Variants in CNKSR3 observed in about 807,000 individuals in gnomAD.
The protein encoded by CNKSR3 is CNKSR family member 3.
In CNKSR3, 36 loss-of-function variants were observed where a neutral mutation model predicts 67.7. That is an observed-to-expected ratio of 0.53 (90% CI 0.41 to 0.70). The LOEUF is 0.70. Ranked by LOEUF, CNKSR3 falls within the 30% of genes least tolerant of loss-of-function variation. The pLI is 0.00. For synonymous variants in CNKSR3, 281 were observed against 271.4 expected (o/e 1.04, Z -0.35); for missense variants, 630 against 695.2 (o/e 0.91, Z 1.05).
At chr6:154,468,671 G>T (rs1343657490) in intron 1 of CNKSR3, among the ~76,000 whole-genome samples, 1 of 151,982 alleles carries the variant, frequency 6.6e-6, no homozygotes, top group Non-Finnish European at 1.5e-5. Flanking sequence ...GAGGCACTTA[G>T]TAAATAACTA....
chr6:154,424,400 T>C (rs1785213091), intron 7 of CNKSR3, among the ~76,000 whole-genome samples: 1 of 152,224 alleles, frequency 6.6e-6, no homozygotes, highest in Non-Finnish European at 1.5e-5. Flanking sequence ...AAACCTTGGA[T>C]TTCAAATTCT....
At position 154,399,608 on chromosome 6, in the gene CNKSR3, T is replaced by G. The variant is rs991025846; in HGVS notation, c.*6746A>C. ...TGCAAATTCCCAAAAGTCAAAGGCT[T>G]CTAAATTCGCGCTAATTCCTCAAAT... On this transcript the variant is annotated 3_prime_UTR_variant, in exon 13 of 13. Coordinates refer to ENST00000607772, the MANE Select transcript of CNKSR3 (RefSeq NM_173515.4). 1 of 151,972 alleles carries G rather than the reference T, an allele frequency of 6.6e-6. No individual in the cohort carries two copies. The highest frequency in any genetic ancestry group is 1.5e-5 in the Non-Finnish European group (1 of 68,028). The allele number at this position is 151,972 out of a possible 1,614,324, so 9.4% of individuals were successfully genotyped here.
intron 7 of CNKSR3, among the ~76,000 whole-genome samples, chr6:154,423,798 T>G (rs1261199330): frequency 1.3e-5 from 2 of 152,178 alleles, no homozygotes; most frequent in Non-Finnish European, 2.9e-5. Flanking sequence ...CAGAAATTGC[T>G]TTAAAGAAAA....
At chr6:154,430,964 A>G (rs563084561) in intron 5 of CNKSR3, among the ~76,000 whole-genome samples, 16 of 152,218 alleles carry the variant, frequency 1.1e-4, no homozygotes, top group East Asian at 7.7e-4. Context: ...AAAAAAAAAA[A>G]AAATTGTTTT....
intron 1 of CNKSR3, among the ~76,000 whole-genome samples, chr6:154,481,422 T>C (rs1030261033): frequency 3.3e-5 from 5 of 152,390 alleles, no homozygotes; most frequent in African/African-American, 1.2e-4. Context: ...TATTTATCTA[T>C]TTTATTTATA....
At chr6:154,506,775 G>A (rs1483953700) in intron 1 of CNKSR3, among the ~76,000 whole-genome samples, 1 of 152,210 alleles carries the variant, frequency 6.6e-6, no homozygotes, top group Non-Finnish European at 1.5e-5. Context: ...GAACTGACTG[G>A]CAAGGCGCCA....
rs1784706582 is a variant in CNKSR3 at position 154,400,658 on chromosome 6, C to T, written c.*5696G>A. On this transcript the variant is annotated 3_prime_UTR_variant, in exon 13 of 13. Transcript: ENST00000607772. ...TTTGTCTTTTACATACACAAATGCA[C>T]ACATATATAGGGTTTGGGACAGACT... 2 of 152,142 alleles carry T rather than the reference C, an allele frequency of 1.3e-5. No individual in the cohort carries two copies. Among genetic ancestry groups the T allele is most frequent in the South Asian group, 2.1e-4 (1 of 4,826 alleles). 9.4% of individuals were successfully genotyped at this position (152,142 alleles called of 1,614,324 possible).
At chr6:154,443,742 C>T (rs1166946583) in intron 2 of CNKSR3, among the ~76,000 whole-genome samples, 1 of 152,166 alleles carries the variant, frequency 6.6e-6, no homozygotes, top group Non-Finnish European at 1.5e-5. Context: ...GTTTGTACTC[C>T]AAGCTACTCA....
intron 7 of CNKSR3, among the ~76,000 whole-genome samples, chr6:154,425,067 C>T (rs944022132): frequency 6.6e-5 from 10 of 152,196 alleles, no homozygotes; most frequent in Non-Finnish European, 7.3e-5. Flanking sequence ...CCACCGCACC[C>T]GGCTCATCTC....
At chr6:154,407,647 C>T (rs139376516) in intron 12 of CNKSR3, among the ~76,000 whole-genome samples, 89 of 152,040 alleles carry the variant, frequency 5.9e-4, no homozygotes, top group African/African-American at 1.7e-3. Flanking sequence ...ACTACAGGTG[C>T]GCACAACCAC....
At chr6:154,414,741 T>C (rs377426232) in intron 9 of CNKSR3, 103 of 534,514 alleles carry the variant, frequency 1.9e-4, no homozygotes, top group African/African-American at 1.9e-3. Flanking sequence ...AAAGGAGTGA[T>C]ACTGATAATA....
chr6:154,397,676 T>C lies in CNKSR3; in HGVS notation c.*8678A>G, dbSNP rs930262028. The C allele has an allele frequency of 6.6e-6, 1 of 152,096 alleles. No homozygotes were observed. Among genetic ancestry groups the C allele is most frequent in the African/African-American group, 2.4e-5 (1 of 41,366 alleles). 9.4% of individuals were successfully genotyped at this position (152,096 alleles called of 1,614,324 possible). On this transcript the variant is annotated 3_prime_UTR_variant, in exon 13 of 13. Transcript: ENST00000607772. ...GGGCAGACAGTAGAGCCTGCAACTG[T>C]GATGGAATTAACAGGGTAGGCCCTG...
chr6:154,479,572 G>A (rs1001051877), intron 1 of CNKSR3, among the ~76,000 whole-genome samples: 5 of 152,022 alleles, frequency 3.3e-5, no homozygotes, highest in African/African-American at 7.3e-5. Context: ...ATCTCACTGC[G>A]ACAGCTAGGA....
At chr6:154,445,799 TG>T (rs1184164533) in intron 2 of CNKSR3, among the ~76,000 whole-genome samples, 1 of 151,966 alleles carries the variant, frequency 6.6e-6, no homozygotes, top group East Asian at 1.9e-4. Context: ...CCTAGAAAGA[TG>T]AATAAATATA....
intron 10 of CNKSR3, 43 bp downstream of exon 10, chr6:154,414,256 C>A: frequency 6.5e-7 from 1 of 1,531,070 alleles, no homozygotes; most frequent in Non-Finnish European, 8.8e-7. Flanking sequence ...ACAAATGACA[C>A]CAACAGGAGA....
At chr6:154,424,042 C>T (rs112220263) in intron 7 of CNKSR3, among the ~76,000 whole-genome samples, 3,962 of 152,128 alleles carry the variant, frequency 0.026, 81 homozygotes, top group Non-Finnish European at 0.043. Flanking sequence ...ACCATCCTGG[C>T]TAACACGGTG....
At chr6:154,470,081 G>A (rs749759204) in intron 1 of CNKSR3, among the ~76,000 whole-genome samples, 10 of 149,426 alleles carry the variant, frequency 6.7e-5, no homozygotes, top group Non-Finnish European at 1.5e-4. Flanking sequence ...AGGGTCTACT[G>A]TAATTTGAGA....
chr6:154,451,811 CCATTTGGAACCCAACT>C (rs1297304831), intron 1 of CNKSR3, among the ~76,000 whole-genome samples: 1 of 152,170 alleles, frequency 6.6e-6, no homozygotes, highest in Non-Finnish European at 1.5e-5. Flanking sequence ...ACTATGGTAA[CCATTTGGAACCCAACT>C]CATCCTCCCT....
At chr6:154,448,895 T>C (rs1429671441) in intron 2 of CNKSR3, among the ~76,000 whole-genome samples, 1 of 152,210 alleles carries the variant, frequency 6.6e-6, no homozygotes, top group South Asian at 2.1e-4. Context: ...TAATTGTATA[T>C]ACCCCTGGCT....
Sources: allele counts gnomAD v4.1 joint callset (sites outside exome capture counted in the v4.1 genomes callset), GRCh38; gene constraint gnomAD v4.1.1; transcripts MANE v1.5; gene names NCBI Gene and HGNC (gene_info 2026-07-23, HGNC 2026-07-21).